Variants in SRGAP3 observed in about 807,000 individuals in gnomAD.
SRGAP3 encodes SLIT-ROBO Rho GTPase activating protein 3.
In SRGAP3, 39 loss-of-function variants were observed where a neutral mutation model predicts 121.1. That is an observed-to-expected ratio of 0.32 (90% CI 0.25 to 0.42). The LOEUF is 0.42. SRGAP3 is among the 10% of genes least tolerant of loss of function. SRGAP3 has a pLI of 1.00. For missense variants in SRGAP3, 1,213 were observed against 1,470.6 expected (o/e 0.82, Z 2.86); for synonymous variants, 601 against 570.0 (o/e 1.05, Z -0.77).
chr3:9,301,409 C>A (rs1955051490), intron 3 of SRGAP3, among the ~76,000 whole-genome samples: 1 of 152,226 alleles, frequency 6.6e-6, no homozygotes, highest in African/African-American at 2.4e-5. Context: ...GAAGGTGGCC[C>A]TTAAAGGCTC....
At chr3:8,996,406 C>T (rs56040385) in intron 18 of SRGAP3, among the ~76,000 whole-genome samples, 4,079 of 152,300 alleles carry the variant, frequency 0.027, 174 homozygotes, top group African/African-American at 0.092. Flanking sequence ...CTTGTGTCCC[C>T]ATGAGATGCA....
intron 3 of SRGAP3, among the ~76,000 whole-genome samples, chr3:9,304,129 A>G (rs1299142670): frequency 6.6e-6 from 1 of 152,202 alleles, no homozygotes; most frequent in Non-Finnish European, 1.5e-5. Context: ...CTTACAGACC[A>G]GTTAGTCCAC....
chr3:9,150,895 G>T (rs561193765), intron 1 of SRGAP3, among the ~76,000 whole-genome samples: 3 of 152,354 alleles, frequency 2.0e-5, no homozygotes, highest in African/African-American at 7.2e-5. Context: ...AATGATGGCT[G>T]AACCTCAGTC....
chr3:8,998,743 C>T (rs778265072), intron 18 of SRGAP3, among the ~76,000 whole-genome samples: 1 of 152,158 alleles, frequency 6.6e-6, no homozygotes, highest in Admixed American at 6.5e-5. Flanking sequence ...GCACTCAATA[C>T]ATATTTATTG....
At chr3:9,288,035 T>C (rs1954805995) in intron 3 of SRGAP3, among the ~76,000 whole-genome samples, 1 of 152,192 alleles carries the variant, frequency 6.6e-6, no homozygotes, top group Non-Finnish European at 1.5e-5. Flanking sequence ...TGTTCAAATA[T>C]TATCTCCACA....
chr3:9,053,603 T>C (rs373550981), intron 8 of SRGAP3, among the ~76,000 whole-genome samples: 175 of 152,322 alleles, frequency 1.1e-3, no homozygotes, highest in African/African-American at 4.0e-3. Context: ...AGGGACAACA[T>C]TAGATGTGCT....
At chr3:9,099,534 A>G (rs1027708958) in intron 3 of SRGAP3, among the ~76,000 whole-genome samples, 1 of 152,240 alleles carries the variant, frequency 6.6e-6, no homozygotes, top group African/African-American at 2.4e-5. Context: ...GGTGCAGCAC[A>G]TGGGATAGTG....
intron 10 of SRGAP3, among the ~76,000 whole-genome samples, chr3:9,043,102 T>C (rs1019332830): frequency 6.6e-6 from 1 of 152,154 alleles, no homozygotes; most frequent in Admixed American, 6.5e-5. Flanking sequence ...CATTGTTCTC[T>C]ATCTCAGCCC....
chr3:9,031,679 C>T lies in SRGAP3; in HGVS notation c.1539+971G>A, dbSNP rs146496808. ...CTGTCCTGCAAGTCTTGTGCTGGACCCTGTCTGAGGATCACAAGTAGACAG... is the reference window on the plus strand; with the variant it reads ...CTGTCCTGCAAGTCTTGTGCTGGACTCTGTCTGAGGATCACAAGTAGACAG... On this transcript the variant is annotated intron_variant, in intron 12 of 21. Coordinates refer to ENST00000383836, the MANE Select transcript of SRGAP3 (RefSeq NM_014850.4). Among the ~76,000 whole-genome samples, 137 of 152,280 alleles carry T rather than the reference C, an allele frequency of 9.0e-4. 1 individual carries two copies. The highest frequency in any genetic ancestry group is 3.1e-3 in the African/African-American group (130 of 41,552).
chr3:9,119,162 C>A (rs919256304), intron 2 of SRGAP3, among the ~76,000 whole-genome samples: 2 of 152,148 alleles, frequency 1.3e-5, no homozygotes, highest in South Asian at 2.1e-4. Flanking sequence ...TTACCTCACC[C>A]TCTTCCCCAA....
chr3:9,038,730 CCAGA>C (rs1419651900), intron 10 of SRGAP3, among the ~76,000 whole-genome samples: 1 of 152,184 alleles, frequency 6.6e-6, no homozygotes, highest in African/African-American at 2.4e-5. Context: ...CACCTACCTG[CCAGA>C]CAAAGCCCAG....
At chr3:9,312,755 TG>T (rs1441575279) in intron 3 of SRGAP3, among the ~76,000 whole-genome samples, 5 of 151,888 alleles carry the variant, frequency 3.3e-5, no homozygotes, top group South Asian at 4.2e-4. Flanking sequence ...GAGGCTGAGT[TG>T]GGGGGAATGC....
intron 3 of SRGAP3, among the ~76,000 whole-genome samples, chr3:9,320,135 A>G (rs530862023): frequency 6.6e-6 from 1 of 152,036 alleles, no homozygotes; most frequent in African/African-American, 2.4e-5. Flanking sequence ...CTATGGAAAA[A>G]GAGGAGACAT....
At chr3:9,143,955 A>C (rs1226059491) in intron 1 of SRGAP3, among the ~76,000 whole-genome samples, 2 of 151,942 alleles carry the variant, frequency 1.3e-5, no homozygotes, top group Admixed American at 1.3e-4. Context: ...ATTCCTCTCC[A>C]TCTCCACTGC....
chr3:9,067,150 C>T (rs73015408), intron 4 of SRGAP3, among the ~76,000 whole-genome samples: 12,031 of 152,104 alleles, frequency 0.079, 518 homozygotes, highest in Middle Eastern at 0.12. Context: ...ACCACCACCA[C>T]CATCATCATC....
intron 9 of SRGAP3, 125 bp downstream of exon 9, chr3:9,052,902 G>T: frequency 2.6e-6 from 3 of 1,150,578 alleles, no homozygotes; most frequent in Non-Finnish European, 3.8e-6. Context: ...AAAGCATGGT[G>T]ATGGAGTCTT....
intron 2 of SRGAP3, among the ~76,000 whole-genome samples, chr3:9,106,850 C>T (rs1948435421): frequency 1.3e-5 from 2 of 151,876 alleles, no homozygotes; most frequent in African/African-American, 2.4e-5. Context: ...CTGCTGACTC[C>T]CACTATGACC....
intron 18 of SRGAP3, among the ~76,000 whole-genome samples, chr3:8,994,833 C>T (rs1016066457): frequency 2.0e-5 from 3 of 152,174 alleles, no homozygotes; most frequent in Admixed American, 6.5e-5. Context: ...GTAGAATTTT[C>T]GTTTTCTTCC....
At chr3:8,999,652 C>T (rs1942628959) in intron 18 of SRGAP3, among the ~76,000 whole-genome samples, 1 of 152,212 alleles carries the variant, frequency 6.6e-6, no homozygotes, top group Non-Finnish European at 1.5e-5. Context: ...ACCTTCTCTT[C>T]TCCGTCATCT....
Sources: gnomAD v4.1 joint callset for allele counts (sites outside exome capture counted in the v4.1 genomes callset) on GRCh38, gnomAD v4.1.1 for gene constraint, MANE v1.5 for transcripts, NCBI Gene and HGNC (gene_info 2026-07-23, HGNC 2026-07-21) for gene names.